Variants in EFNA5 observed in about 807,000 individuals in gnomAD.
EFNA5 encodes the protein ephrin A5, also known as ephrin-A5.
In EFNA5, 5 loss-of-function variants were observed where a neutral mutation model predicts 22.9. The ratio of observed to expected loss-of-function variants is 0.22; its 90% CI spans 0.11 to 0.46. The LOEUF (loss-of-function observed/expected upper bound fraction) is 0.46. EFNA5 is among the 20% of genes least tolerant of loss of function. The pLI, the probability that EFNA5 is intolerant of heterozygous loss-of-function variation, is 0.99. For missense variants in EFNA5, 237 were observed against 293.3 expected (o/e 0.81, Z 1.40); for synonymous variants, 113 against 112.2 (o/e 1.01, Z -0.04).
intron 2 of EFNA5, among the ~76,000 whole-genome samples, chr5:107,410,022 CTTTTTTT>C (rs70996956): frequency 1.1e-5 from 1 of 88,002 alleles, no homozygotes; most frequent in Admixed American, 1.3e-4. Flanking sequence ...TGACATGATT[CTTTTTTT>C]TTTTTTTTTT....
At chr5:107,558,487 A>G (rs1340564681) in intron 1 of EFNA5, among the ~76,000 whole-genome samples, 2 of 152,190 alleles carry the variant, frequency 1.3e-5, no homozygotes, top group Non-Finnish European at 2.9e-5. Context: ...GAAAGAGAAT[A>G]TATTTCTCTT....
At chr5:107,622,904 C>G (rs1750063838) in intron 1 of EFNA5, among the ~76,000 whole-genome samples, 1 of 150,864 alleles carries the variant, frequency 6.6e-6, no homozygotes, top group Non-Finnish European at 1.5e-5. Flanking sequence ...GCCTGTAGTC[C>G]CAGCTACTCG....
At chr5:107,561,563 T>C (rs1220769353) in intron 1 of EFNA5, among the ~76,000 whole-genome samples, 2 of 151,846 alleles carry the variant, frequency 1.3e-5, no homozygotes, top group Non-Finnish European at 2.9e-5. Flanking sequence ...AAAGATGGGG[T>C]TTCACCATGT....
intron 1 of EFNA5, among the ~76,000 whole-genome samples, chr5:107,511,974 C>T (rs1017040783): frequency 6.6e-6 from 1 of 152,186 alleles, no homozygotes; most frequent in African/African-American, 2.4e-5. Flanking sequence ...AAAAGACCTA[C>T]TTTCCTTAAG....
chr5:107,399,522 G>C (rs1748031359), intron 2 of EFNA5, among the ~76,000 whole-genome samples: 1 of 152,128 alleles, frequency 6.6e-6, no homozygotes, highest in African/African-American at 2.4e-5. Flanking sequence ...CCCTCCCAGT[G>C]AACAGAGAAT....
At chr5:107,509,367 G>A (rs1042702184) in intron 1 of EFNA5, among the ~76,000 whole-genome samples, 3 of 150,426 alleles carry the variant, frequency 2.0e-5, no homozygotes, top group Admixed American at 6.6e-5. Context: ...CGCCCAGGCT[G>A]CAGTGCAATG....
chr5:107,427,913 T>G (rs1748848305), intron 1 of EFNA5, among the ~76,000 whole-genome samples: 1 of 152,178 alleles, frequency 6.6e-6, no homozygotes, highest in Non-Finnish European at 1.5e-5. Flanking sequence ...TGATAAATAT[T>G]TTTGAATAAA....
intron 1 of EFNA5, among the ~76,000 whole-genome samples, chr5:107,613,132 C>CTGTGATT (rs1258467954): frequency 6.6e-6 from 1 of 151,852 alleles, no homozygotes; most frequent in Non-Finnish European, 1.5e-5. Flanking sequence ...TTGGGAAAGG[C>CTGTGATT]TGTGATTTTG....
chr5:107,503,438 G>A (rs750521644), intron 1 of EFNA5, among the ~76,000 whole-genome samples: 2 of 152,184 alleles, frequency 1.3e-5, no homozygotes, highest in Non-Finnish European at 2.9e-5. Flanking sequence ...GATCTTCTAA[G>A]AAGAGGTGTT....
At chr5:107,645,294 C>T (rs1580579217) in intron 1 of EFNA5, among the ~76,000 whole-genome samples, 1 of 152,134 alleles carries the variant, frequency 6.6e-6, no homozygotes, top group African/African-American at 2.4e-5. Flanking sequence ...AAGTAATTTC[C>T]GGGCTACCTT....
At chr5:107,511,981 T>C (rs1747380346) in intron 1 of EFNA5, among the ~76,000 whole-genome samples, 1 of 152,196 alleles carries the variant, frequency 6.6e-6, no homozygotes, top group Non-Finnish European at 1.5e-5. Context: ...CTACTTTCCT[T>C]AAGATCTTGC....
At chr5:107,617,209 T>TACACAC (rs373146585) in intron 1 of EFNA5, among the ~76,000 whole-genome samples, 3,960 of 141,066 alleles carry the variant, frequency 0.028, 84 homozygotes, top group African/African-American at 0.047. Flanking sequence ...CATGTGCACA[T>TACACAC]ACACACACAC....
At chr5:107,597,637 GA>G (rs1749501136) in intron 1 of EFNA5, among the ~76,000 whole-genome samples, 1 of 152,070 alleles carries the variant, frequency 6.6e-6, no homozygotes, top group Admixed American at 6.6e-5. Context: ...AAAAAGTGTA[GA>G]AAAAGGAATT....
At chr5:107,481,230 G>C (rs1259762377) in intron 1 of EFNA5, among the ~76,000 whole-genome samples, 3 of 152,188 alleles carry the variant, frequency 2.0e-5, no homozygotes, top group Non-Finnish European at 4.4e-5. Context: ...GTTTCAAGAA[G>C]AGAGAAGAGA....
At chr5:107,522,597 G>C (rs780865356) in intron 1 of EFNA5, among the ~76,000 whole-genome samples, 1 of 152,144 alleles carries the variant, frequency 6.6e-6, no homozygotes, top group African/African-American at 2.4e-5. Flanking sequence ...TTTTTTTAGA[G>C]ACACGATCTC....
At chr5:107,549,562 C>T (rs1000082383) in intron 1 of EFNA5, among the ~76,000 whole-genome samples, 1 of 152,238 alleles carries the variant, frequency 6.6e-6, no homozygotes, top group African/African-American at 2.4e-5. Flanking sequence ...CCTGGACCAT[C>T]GAATTGTGTG....
chr5:107,572,439 T>C (rs1748833749), intron 1 of EFNA5, among the ~76,000 whole-genome samples: 1 of 152,142 alleles, frequency 6.6e-6, no homozygotes, highest in Admixed American at 6.5e-5. Flanking sequence ...CAAACCTGCT[T>C]GCTGCTTTGC....
At chr5:107,426,259 G>A (rs1284860768) in intron 2 of EFNA5, among the ~76,000 whole-genome samples, 1 of 152,154 alleles carries the variant, frequency 6.6e-6, no homozygotes, top group Non-Finnish European at 1.5e-5. Flanking sequence ...ACATGGGAAA[G>A]GCCAGATAGT....
intron 1 of EFNA5, among the ~76,000 whole-genome samples, chr5:107,618,383 A>G (rs559671875): frequency 1.3e-5 from 2 of 152,294 alleles, no homozygotes; most frequent in South Asian, 4.2e-4. Context: ...CCATTTCCAA[A>G]CACTAATTGA....
Sources: gnomAD v4.1 joint callset for allele counts (sites outside exome capture counted in the v4.1 genomes callset) on GRCh38, gnomAD v4.1.1 for gene constraint, MANE v1.5 for transcripts, NCBI Gene and HGNC (gene_info 2026-07-23, HGNC 2026-07-21) for gene names.